The following DAB1 variants were observed in gnomAD, a reference collection of about 807,000 sequenced individuals.
DAB1 encodes disabled homolog 1.
A neutral mutation model predicts 64.6 loss-of-function variants in DAB1; 15 were observed. The ratio of observed to expected loss-of-function variants is 0.23; its 90% CI spans 0.16 to 0.36. The LOEUF is 0.36. Among genes scored for constraint, DAB1 ranks in the 10% least tolerant of loss-of-function variants. The pLI, the probability that DAB1 is intolerant of heterozygous loss-of-function variation, is 1.00. For missense variants in DAB1, 596 were observed against 706.7 expected, an observed-to-expected ratio of 0.84 and a Z score of 1.78; for synonymous variants, 235 against 251.9, an observed-to-expected ratio of 0.93 and a Z score of 0.64.
At chr1:57,053,684 A>AT (rs1649434151) in intron 9 of DAB1, among the ~76,000 whole-genome samples, 7 of 91,232 alleles carry the variant, frequency 7.7e-5, no homozygotes, top group Admixed American at 4.9e-4. Flanking sequence ...ATATATATAT[A>AT]TATATTTTTT....
At chr1:58,546,002 T>A (rs894803531) in intron 1 of DAB1, among the ~76,000 whole-genome samples, 2 of 152,196 alleles carry the variant, frequency 1.3e-5, no homozygotes. Flanking sequence ...AACGCCTGAA[T>A]GCCAAATAAG....
intron 2 of DAB1, among the ~76,000 whole-genome samples, chr1:57,180,076 C>T (rs1056006251): frequency 2.8e-4 from 43 of 152,184 alleles, no homozygotes; most frequent in African/African-American, 9.9e-4. Flanking sequence ...ATCCTCCTAC[C>T]AAGCTGTAAA....
intron 5 of DAB1, among the ~76,000 whole-genome samples, chr1:58,122,614 T>A (rs1338272288): frequency 6.6e-6 from 1 of 151,816 alleles, no homozygotes; most frequent in East Asian, 1.9e-4. Context: ...AAAAAATGCA[T>A]TTTCACACCA....
intron 5 of DAB1, among the ~76,000 whole-genome samples, chr1:58,070,023 C>T (rs767236129): frequency 1.1e-4 from 16 of 152,196 alleles, no homozygotes; most frequent in Admixed American, 3.9e-4. Flanking sequence ...TTTGGGGAAG[C>T]AGCATGGAGA....
At chr1:57,817,400 G>T (rs1651915628) in intron 6 of DAB1, among the ~76,000 whole-genome samples, 1 of 152,196 alleles carries the variant, frequency 6.6e-6, no homozygotes, top group Admixed American at 6.5e-5. Context: ...TCAGGTCCAG[G>T]CTATGGCCAG....
chr1:58,351,557 G>T (rs1644057804), intron 3 of DAB1, among the ~76,000 whole-genome samples: 1 of 151,856 alleles, frequency 6.6e-6, no homozygotes, highest in Non-Finnish European at 1.5e-5. Context: ...TCGGTAGATG[G>T]CTAAGTGTTG....
intron 5 of DAB1, among the ~76,000 whole-genome samples, chr1:58,031,840 A>G (rs567082743): frequency 6.6e-6 from 1 of 152,300 alleles, no homozygotes; most frequent in Non-Finnish European, 1.5e-5. Context: ...ACTCTGGAGC[A>G]GAAAGCCCTG....
At chr1:57,204,008 G>C (rs150897448) in intron 2 of DAB1, among the ~76,000 whole-genome samples, 31 of 152,170 alleles carry the variant, frequency 2.0e-4, no homozygotes, top group Admixed American at 7.9e-4. Context: ...TCCTGCCTCA[G>C]CCTCCCATGT....
chr1:57,767,971 G>A (rs1460070495), intron 6 of DAB1, among the ~76,000 whole-genome samples: 1 of 151,852 alleles, frequency 6.6e-6, no homozygotes, highest in Non-Finnish European at 1.5e-5. Context: ...GAGGTCAGGA[G>A]TTTGAGACCA....
chr1:57,662,300 A>T (rs770504337), intron 6 of DAB1, among the ~76,000 whole-genome samples: 22 of 152,116 alleles, frequency 1.4e-4, no homozygotes, highest in Non-Finnish European at 3.2e-4. Flanking sequence ...GGTTCAAGTG[A>T]TTCTCCTGCC....
At chr1:57,280,228 T>C (rs2100624777) in intron 2 of DAB1, among the ~76,000 whole-genome samples, 1 of 152,326 alleles carries the variant, frequency 6.6e-6, no homozygotes, top group South Asian at 2.1e-4. Flanking sequence ...CAAGGACACA[T>C]GAACAATAGA....
chr1:57,082,279 G>A (rs935889179), intron 4 of DAB1, among the ~76,000 whole-genome samples: 2 of 150,952 alleles, frequency 1.3e-5, no homozygotes, highest in Non-Finnish European at 3.0e-5. Flanking sequence ...CTGAGAACAG[G>A]AGAAGTCAAG....
At chr1:58,108,077 G>A (rs1651767332) in intron 5 of DAB1, among the ~76,000 whole-genome samples, 1 of 152,204 alleles carries the variant, frequency 6.6e-6, no homozygotes, top group South Asian at 2.1e-4. Flanking sequence ...CATGAGTCTG[G>A]CTGCACACAG....
chr1:57,255,338 A>T (rs190921307), intron 2 of DAB1, among the ~76,000 whole-genome samples: 13 of 152,290 alleles, frequency 8.5e-5, no homozygotes, highest in Non-Finnish European at 1.5e-4. Context: ...CTAGCATGAC[A>T]ACTAATATCC....
chr1:58,535,122 T>G (rs1646496108), intron 1 of DAB1, among the ~76,000 whole-genome samples: 2 of 152,148 alleles, frequency 1.3e-5, no homozygotes, highest in South Asian at 4.1e-4. Flanking sequence ...GAAAGGAAAT[T>G]ACTGAATTCT....
intron 7 of DAB1, among the ~76,000 whole-genome samples, chr1:57,494,804 A>C (rs1339575916): frequency 6.6e-6 from 1 of 152,126 alleles, no homozygotes; most frequent in Admixed American, 6.5e-5. Flanking sequence ...CTTGTTCTGG[A>C]GTTTGGCTTG....
intron 6 of DAB1, among the ~76,000 whole-genome samples, chr1:57,659,300 T>C (rs1212403643): frequency 6.6e-6 from 1 of 151,996 alleles, no homozygotes; most frequent in Admixed American, 6.6e-5. Context: ...ATTTGAGAGA[T>C]CAAATACATA....
chr1:58,444,338 C>G (rs879895026), intron 3 of DAB1, among the ~76,000 whole-genome samples: 4 of 152,164 alleles, frequency 2.6e-5, no homozygotes, highest in Non-Finnish European at 5.9e-5. Flanking sequence ...CTCACATCAA[C>G]GGTATAAGGT....
intron 4 of DAB1, among the ~76,000 whole-genome samples, chr1:58,201,022 G>GTTTT (rs201977266): frequency 1.4e-5 from 2 of 143,062 alleles, no homozygotes; most frequent in African/African-American, 2.5e-5. Flanking sequence ...TGTTTGTTTT[G>GTTTT]TTTTTTTTTT....
Sources: gnomAD v4.1 joint callset for allele counts (sites outside exome capture counted in the v4.1 genomes callset) on GRCh38, gnomAD v4.1.1 for gene constraint, MANE v1.5 for transcripts, NCBI Gene and HGNC (gene_info 2026-07-23, HGNC 2026-07-21) for gene names.